Variants in MAGI3 observed in about 807,000 individuals in gnomAD.
The protein encoded by MAGI3 is membrane associated guanylate kinase, WW and PDZ domain containing 3.
Under a neutral mutation model 121.8 loss-of-function variants are expected in MAGI3, and 43 were observed. That is an observed-to-expected ratio of 0.35 (90% CI 0.28 to 0.46). The LOEUF (loss-of-function observed/expected upper bound fraction) is 0.46, where lower values mean the gene tolerates loss of function less well. Ranked by LOEUF, MAGI3 falls within the 20% of genes least tolerant of loss-of-function variation. The probability of loss-of-function intolerance (pLI) is 1.00; values close to 1 mark genes in which losing one functional copy is unlikely to be tolerated. For missense variants in MAGI3, 1,547 were observed against 1,797.3 expected, an observed-to-expected ratio of 0.86 and a Z score of 2.52; for synonymous variants, 553 against 639.3, an observed-to-expected ratio of 0.86 and a Z score of 2.04.
chr1:113,666,188 G>C (rs1203853270), intron 16 of MAGI3, among the ~76,000 whole-genome samples: 1 of 152,178 alleles, frequency 6.6e-6, no homozygotes, highest in Non-Finnish European at 1.5e-5. Context: ...TGAGGTGGCT[G>C]TAGCAATTTC....
intron 1 of MAGI3, among the ~76,000 whole-genome samples, chr1:113,534,460 CT>C (rs1056564854): frequency 2.6e-5 from 4 of 152,114 alleles, no homozygotes; most frequent in African/African-American, 9.7e-5. Flanking sequence ...GCCCTTTCTC[CT>C]GCCTGGAATG....
chr1:113,531,143 CT>C (rs908320315), intron 1 of MAGI3, among the ~76,000 whole-genome samples: 79 of 150,970 alleles, frequency 5.2e-4, no homozygotes, highest in African/African-American at 1.6e-3. Flanking sequence ...TCTCCACTTT[CT>C]TTTTTTTTAA....
At chr1:113,458,155 G>A (rs1467078788) in intron 1 of MAGI3, among the ~76,000 whole-genome samples, 1 of 152,214 alleles carries the variant, frequency 6.6e-6, no homozygotes, top group African/African-American at 2.4e-5. Flanking sequence ...AGACAGACAA[G>A]AAGAAAACAA....
chr1:113,536,697 T>C (rs962368315), intron 1 of MAGI3, among the ~76,000 whole-genome samples: 1 of 152,188 alleles, frequency 6.6e-6, no homozygotes, highest in Non-Finnish European at 1.5e-5. Context: ...CTAACATGAC[T>C]GTTCCAGAGA....
intron 1 of MAGI3, among the ~76,000 whole-genome samples, chr1:113,424,409 T>C (rs556000100): frequency 6.6e-6 from 1 of 152,204 alleles, no homozygotes; most frequent in African/African-American, 2.4e-5. Flanking sequence ...CCCACCTCTT[T>C]GCCACCCCTC....
chr1:113,456,107 C>T (rs370947394), intron 1 of MAGI3, among the ~76,000 whole-genome samples: 3 of 148,706 alleles, frequency 2.0e-5, no homozygotes, highest in Non-Finnish European at 3.0e-5. Context: ...CCCGCCACCA[C>T]GCCCGGCTAA....
rs1326324297 is a variant in MAGI3, at chr1:113,651,115, G to A, written c.2349G>A (p.Gly783=). The A allele has an allele frequency of 6.2e-7, 1 of 1,614,132 alleles. No homozygotes were observed. Among genetic ancestry groups the A allele is most frequent in the Admixed American group, 1.7e-5 (1 of 60,000 alleles). ...LMCIDGIPVK[G]KSHKQVLDLM... is the part of the protein sequence containing the mutation. ...GCATTGATGGAATTCCTGTTAAAGGGAAATCACACAAACAAGTCTTGGACC... is the reference window on the plus strand; with the variant it reads ...GCATTGATGGAATTCCTGTTAAAGGAAAATCACACAAACAAGTCTTGGACC... Residue 783 remains glycine (G), a synonymous_variant, in exon 14 of 21, where the codon GGG becomes GGA. Coordinates refer to ENST00000307546, the MANE Select transcript of MAGI3 (RefSeq NM_001142782.2).
At chr1:113,590,101 T>C (rs138918984) in intron 4 of MAGI3, among the ~76,000 whole-genome samples, 1 of 152,170 alleles carries the variant, frequency 6.6e-6, no homozygotes, top group Non-Finnish European at 1.5e-5. Flanking sequence ...AGATTAATAA[T>C]AGATACTCAC....
intron 14 of MAGI3, among the ~76,000 whole-genome samples, chr1:113,652,643 T>A (rs1274599854): frequency 6.6e-6 from 1 of 151,972 alleles, no homozygotes; most frequent in East Asian, 1.9e-4. Context: ...GCTAATACAT[T>A]CTAACTATGC....
intron 1 of MAGI3, among the ~76,000 whole-genome samples, chr1:113,409,936 AG>A (rs1299044612): frequency 6.6e-6 from 1 of 152,182 alleles, no homozygotes. Context: ...GCAAGGCTGT[AG>A]GAACTTTTCT....
chr1:113,395,960 G>A (rs887820041), intron 1 of MAGI3, among the ~76,000 whole-genome samples: 1 of 151,968 alleles, frequency 6.6e-6, no homozygotes, highest in African/African-American at 2.4e-5. Flanking sequence ...TTCCTGGGAC[G>A]TATACATTAT....
intron 2 of MAGI3, among the ~76,000 whole-genome samples, chr1:113,563,391 A>T (rs546775619): frequency 6.6e-6 from 1 of 152,302 alleles, no homozygotes; most frequent in Non-Finnish European, 1.5e-5. Flanking sequence ...TTAAGCTTTC[A>T]ATAGCGAGCA....
At chr1:113,606,695 T>A (rs1019305808) in intron 6 of MAGI3, among the ~76,000 whole-genome samples, 1 of 152,176 alleles carries the variant, frequency 6.6e-6, no homozygotes, top group Non-Finnish European at 1.5e-5. Context: ...GACATCTTTC[T>A]CCTAATACAA....
At chr1:113,639,834 C>T (rs1369346200) in intron 9 of MAGI3, among the ~76,000 whole-genome samples, 3 of 152,136 alleles carry the variant, frequency 2.0e-5, no homozygotes, top group South Asian at 2.1e-4. Context: ...TCCCAAAGTG[C>T]GGGGATTACA....
chr1:113,548,682 C>G (rs892356208), intron 1 of MAGI3, among the ~76,000 whole-genome samples: 1 of 152,146 alleles, frequency 6.6e-6, no homozygotes, highest in Non-Finnish European at 1.5e-5. Flanking sequence ...GATTTTGTTG[C>G]AAGTATAAGA....
intron 2 of MAGI3, among the ~76,000 whole-genome samples, chr1:113,559,896 A>C (rs1159960725): frequency 1.3e-5 from 2 of 152,170 alleles, no homozygotes; most frequent in Non-Finnish European, 2.9e-5. Context: ...AGGGACCTTC[A>C]AAGAGACTTA....
At chr1:113,589,198 T>A (rs1648554575) in intron 4 of MAGI3, among the ~76,000 whole-genome samples, 1 of 151,920 alleles carries the variant, frequency 6.6e-6, no homozygotes, top group Non-Finnish European at 1.5e-5. Flanking sequence ...AGACACAAGG[T>A]CATCAAATGA....
intron 1 of MAGI3, among the ~76,000 whole-genome samples, chr1:113,532,706 A>T (rs954315792): frequency 6.6e-6 from 1 of 152,226 alleles, no homozygotes; most frequent in Non-Finnish European, 1.5e-5. Flanking sequence ...AAAATTTAAC[A>T]AAGTATCTCG....
intron 1 of MAGI3, among the ~76,000 whole-genome samples, chr1:113,476,965 T>C (rs1005802103): frequency 1.3e-5 from 2 of 152,360 alleles, no homozygotes; most frequent in African/African-American, 4.8e-5. Context: ...TTGATCCCTT[T>C]ACCATTATGT....
Sources: gnomAD v4.1 joint callset for allele counts (sites outside exome capture counted in the v4.1 genomes callset) on GRCh38, gnomAD v4.1.1 for gene constraint, MANE v1.5 for transcripts, NCBI Gene and HGNC (gene_info 2026-07-23, HGNC 2026-07-21) for gene names.